Variants in IYD observed in about 807,000 individuals in gnomAD.
IYD encodes the protein iodotyrosine deiodinase 1.
IYD carries 25 observed loss-of-function variants against 28.4 expected under a neutral mutation model. The observed-to-expected ratio is 0.88, with a 90% CI of 0.64 to 1.23. IYD has a LOEUF of 1.23. Ranked by LOEUF, IYD falls within the 50% of genes most tolerant of loss-of-function variation. The pLI, the probability that IYD is intolerant of heterozygous loss-of-function variation, is 0.00. For synonymous variants in IYD, 140 were observed against 130.8 expected (o/e 1.07, Z -0.48); for missense variants, 352 against 357.9 (o/e 0.98, Z 0.13).
rs1052981648 is a variant in IYD, at chr6:150,370,225, G to A, written c.178+1016G>A. On this transcript the variant is annotated intron_variant, in intron 1 of 4. Transcript: ENST00000344419. ...AATGTGCATGTGTGTGTGCGCGTGCGTGTGTGTGTGTGCATGAGAGTGGAT... is the reference window on the plus strand; with the variant it reads ...AATGTGCATGTGTGTGTGCGCGTGCATGTGTGTGTGTGCATGAGAGTGGAT... Among the ~76,000 whole-genome samples, 22 of 113,070 alleles carry A rather than the reference G, an allele frequency of 1.9e-4. 1 individual carries two copies. The highest frequency in any genetic ancestry group is 3.3e-4 in the African/African-American group (7 of 21,444). 74.2% of individuals were successfully genotyped at this position (113,070 alleles called of 152,430 possible). A position where few individuals can be genotyped will look rare whatever the true frequency, so the allele number is the denominator to read the frequency against.
intron 2 of IYD, among the ~76,000 whole-genome samples, chr6:150,391,295 G>A (rs1269419031): frequency 1.3e-5 from 2 of 151,548 alleles, no homozygotes; most frequent in African/African-American, 2.4e-5. Flanking sequence ...AAACCTCACA[G>A]TGCCACACTC....
intron 1 of IYD, among the ~76,000 whole-genome samples, chr6:150,378,954 G>A (rs1003329937): frequency 6.6e-6 from 1 of 152,128 alleles, no homozygotes; most frequent in African/African-American, 2.4e-5. Flanking sequence ...ATTCCTCCTG[G>A]TCATGCTCAT....
chr6:150,371,421 C>T (rs964710298), intron 1 of IYD, among the ~76,000 whole-genome samples: 2 of 152,172 alleles, frequency 1.3e-5, no homozygotes, highest in African/African-American at 4.8e-5. Flanking sequence ...AGGAGATAGC[C>T]AGCAGGGACC....
Position 150,404,354 on chromosome 6 carries a change from T to C in IYD, c.*6117T>C, listed in dbSNP as rs1382469264. ...CTTTAAAAAGCTTATGATTCCAATT[T>C]GAAATGTGAAATTGATTTTACGTTT... On this transcript the variant is annotated 3_prime_UTR_variant, in exon 5 of 5. Transcript: ENST00000344419. The C allele has an allele frequency of 6.6e-6, 1 of 152,246 alleles. No individual in the cohort carries two copies. The highest frequency in any genetic ancestry group is 1.9e-4 in the East Asian group (1 of 5,202). 9.4% of individuals were successfully genotyped at this position (152,246 alleles called of 1,614,324 possible).
At chr6:150,393,054 C>A (rs1778183746) in intron 3 of IYD, among the ~76,000 whole-genome samples, 2 of 152,126 alleles carry the variant, frequency 1.3e-5, no homozygotes, top group Admixed American at 6.5e-5. Flanking sequence ...AGTGTTGGTT[C>A]ATCCAGTGAG....
At chr6:150,377,063 T>A (rs1777470117) in intron 1 of IYD, among the ~76,000 whole-genome samples, 1 of 152,194 alleles carries the variant, frequency 6.6e-6, no homozygotes, top group African/African-American at 2.4e-5. Flanking sequence ...GCTTCTTCAG[T>A]TCACCAGGTC....
chr6:150,402,673 A>G lies in IYD; in HGVS notation c.*4436A>G, dbSNP rs1393095391. The G allele has an allele frequency of 6.6e-6, 1 of 152,208 alleles. No homozygotes were observed. Among genetic ancestry groups the G allele is most frequent in the Admixed American group, 6.5e-5 (1 of 15,286 alleles). 9.4% of individuals were successfully genotyped at this position (152,208 alleles called of 1,614,324 possible). A position where few individuals can be genotyped will look rare whatever the true frequency, so the allele number is the denominator to read the frequency against. ...TATCACTTTGGGCCAAAGAAAATTG[A>G]TATAAACATACATAAAGTGGAACTA... On this transcript the variant is annotated 3_prime_UTR_variant, in exon 5 of 5. Coordinates refer to ENST00000344419, the MANE Select transcript of IYD (RefSeq NM_203395.3).
intron 4 of IYD, 91 bp downstream of exon 4, chr6:150,394,346 A>G: frequency 1.4e-6 from 2 of 1,414,490 alleles, no homozygotes; most frequent in Non-Finnish European, 2.0e-6. Flanking sequence ...TTTTTTTTTA[A>G]TCTAAAGTAG....
rs1178891144 is a variant in IYD at position 150,388,627 on chromosome 6, T to TTTTCTTTCTTTCTTTCTTTCTTTC, written c.179-723_179-722insTCTTTCTTTCTTTCTTTCTTTCTT. 4.5e-4 allele frequency among the ~76,000 whole-genome samples: 58 copies of TTTTCTTTCTTTCTTTCTTTCTTTC among 129,058 alleles called. 1 individual carries two copies. Among genetic ancestry groups the TTTTCTTTCTTTCTTTCTTTCTTTC allele is most frequent in the Middle Eastern group, 4.0e-3 (1 of 248 alleles). The allele number at this position is 129,058 out of a possible 152,430, so 84.7% of individuals were successfully genotyped here. On this transcript the variant is annotated intron_variant, in intron 1 of 4. Transcript: ENST00000344419. ...TTTTCTAGATTTATAGTCTGGAGTT[T>TTTTCTTTCTTTCTTTCTTTCTTTC]TTGCTTTCTTTCTTTCTTTCTTTCT...
intron 1 of IYD, among the ~76,000 whole-genome samples, chr6:150,373,103 C>T (rs683255): frequency 0.73 from 110,432 of 152,030 alleles, 41,086 homozygotes; most frequent in Middle Eastern, 0.84. Flanking sequence ...CTTAGCTTCA[C>T]TGGCCATCCA....
chr6:150,387,324 G>T (rs1347966821), intron 1 of IYD, among the ~76,000 whole-genome samples: 1 of 151,894 alleles, frequency 6.6e-6, no homozygotes, highest in Non-Finnish European at 1.5e-5. Flanking sequence ...TACTCAGGAG[G>T]CTGAAGCTGG....
chr6:150,372,714 G>C, intron 1 of IYD, among the ~76,000 whole-genome samples: 1 of 72,898 alleles, frequency 1.4e-5, no homozygotes, highest in Non-Finnish European at 2.6e-5. Flanking sequence ...GTTGGGGGTG[G>C]TGAGGGAACA....
chr6:150,383,361 G>A (rs76271193), intron 1 of IYD, among the ~76,000 whole-genome samples: 7,578 of 152,146 alleles, frequency 0.05, 246 homozygotes, highest in Admixed American at 0.094. Context: ...CCTCACAGCT[G>A]TTTCTTGGTA....
At chr6:150,391,113 T>C (rs1778101816) in intron 2 of IYD, among the ~76,000 whole-genome samples, 1 of 151,658 alleles carries the variant, frequency 6.6e-6, no homozygotes, top group African/African-American at 2.4e-5. Context: ...GGCAGGTGCC[T>C]GTAGTCCCAG....
At chr6:150,389,637 T>A in intron 2 of IYD, 94 bp downstream of exon 2, 1 of 1,116,198 alleles carries the variant, frequency 9.0e-7, no homozygotes, top group Non-Finnish European at 1.4e-6. Flanking sequence ...ACATAGCGAA[T>A]AAAGCCTAGA....
intron 4 of IYD, chr6:150,396,422 TA>T (rs1278486355): frequency 3.0e-6 from 2 of 670,394 alleles, no homozygotes; most frequent in Non-Finnish European, 5.3e-6. Flanking sequence ...AACTTAACAT[TA>T]ATAATATTAA....
At chr6:150,376,184 A>T (rs1777437514) in intron 1 of IYD, among the ~76,000 whole-genome samples, 2 of 152,214 alleles carry the variant, frequency 1.3e-5, no homozygotes, top group South Asian at 4.1e-4. Context: ...AACTAAAAGT[A>T]TACAGTTTGG....
chr6:150,398,243 G>A lies in IYD; in HGVS notation c.*6G>A. The A allele has an allele frequency of 6.2e-7, 1 of 1,613,896 alleles. No individual in the cohort carries two copies. The highest frequency in any genetic ancestry group is 8.5e-7 in the Non-Finnish European group (1 of 1,179,912). ...AGATCATGGTGACAGTGTAGGCAGG[G>A]CCCCCCAAGGGAGTGGCAGGGAGAT... On this transcript the variant is annotated 3_prime_UTR_variant, in exon 5 of 5. Coordinates refer to ENST00000344419, the MANE Select transcript of IYD (RefSeq NM_203395.3).
At chr6:150,388,916 G>T (rs1481556556) in intron 1 of IYD, among the ~76,000 whole-genome samples, 1 of 152,038 alleles carries the variant, frequency 6.6e-6, no homozygotes, top group Non-Finnish European at 1.5e-5. Flanking sequence ...TGACCAGGCT[G>T]GTCTCGAACT....
Sources: gnomAD v4.1 joint callset for allele counts (sites outside exome capture counted in the v4.1 genomes callset) on GRCh38, gnomAD v4.1.1 for gene constraint, MANE v1.5 for transcripts, NCBI Gene and HGNC (gene_info 2026-07-23, HGNC 2026-07-21) for gene names.